The following QSOX1 variants were observed in gnomAD, a reference collection of about 807,000 sequenced individuals.
QSOX1 encodes the protein sulfhydryl oxidase 1.
A neutral mutation model predicts 76.1 loss-of-function variants in QSOX1; 40 were observed. The observed-to-expected ratio is 0.53, with a 90% CI of 0.41 to 0.68. QSOX1 has a LOEUF of 0.68. Among genes scored for constraint, QSOX1 ranks in the 30% least tolerant of loss-of-function variants. The pLI is 0.00. For synonymous variants in QSOX1, 392 were observed against 413.1 expected, an observed-to-expected ratio of 0.95 and a Z score of 0.62; for missense variants, 931 against 974.3, an observed-to-expected ratio of 0.96 and a Z score of 0.59.
intron 7 of QSOX1, 91 bp from the exon 8 acceptor site, chr1:180,185,962 C>A: frequency 6.7e-7 from 1 of 1,482,972 alleles, no homozygotes; most frequent in Non-Finnish European, 9.4e-7. Flanking sequence ...AGTGCCCCTT[C>A]TCTTCTCTCC....
chr1:180,165,674 G>A (rs899344340), intron 1 of QSOX1, among the ~76,000 whole-genome samples: 4 of 152,216 alleles, frequency 2.6e-5, no homozygotes, highest in Non-Finnish European at 5.9e-5. Flanking sequence ...TCCTCTGTGC[G>A]CACCTTGGCT....
chr1:180,183,815 C>G (rs763150317), intron 6 of QSOX1, 101 bp from the exon 7 acceptor site: 18 of 1,313,448 alleles, frequency 1.4e-5, no homozygotes, highest in Non-Finnish European at 1.8e-5. Context: ...AATAAACCTT[C>G]CTGTCCGATG....
intron 2 of QSOX1, among the ~76,000 whole-genome samples, chr1:180,174,649 G>T (rs192331235): frequency 5.4e-4 from 82 of 152,290 alleles, no homozygotes; most frequent in African/African-American, 1.9e-3. Context: ...AACAGCAGTG[G>T]TACTTCATCA....
chr1:180,157,261 G>C (rs1177461004), intron 1 of QSOX1, among the ~76,000 whole-genome samples: 1 of 152,226 alleles, frequency 6.6e-6, no homozygotes, highest in Non-Finnish European at 1.5e-5. Flanking sequence ...GTCAGTCCTT[G>C]AGCCAGATCG....
chr1:180,184,674 ACCT>A (rs1483031505), intron 7 of QSOX1, among the ~76,000 whole-genome samples: 1 of 151,918 alleles, frequency 6.6e-6, no homozygotes, highest in Non-Finnish European at 1.5e-5. Flanking sequence ...AGAGCTGTAG[ACCT>A]CCTGCACTGG....
intron 5 of QSOX1, among the ~76,000 whole-genome samples, chr1:180,180,599 C>A (rs563318853): frequency 5.4e-4 from 83 of 152,366 alleles, no homozygotes; most frequent in African/African-American, 1.7e-3. Context: ...ACTGCAAGCT[C>A]CACCTGTCAG....
In QSOX1 at chr1:180,155,093, C is replaced by G; in HGVS notation, c.186C>G (p.Ala62=). 7 of 1,523,784 alleles carry G rather than the reference C, an allele frequency of 4.6e-6. No individual in the cohort carries two copies. The highest frequency in any genetic ancestry group is 5.3e-6 in the Non-Finnish European group (6 of 1,141,130). The allele number at this position is 1,523,784 out of a possible 1,614,324, so 94.4% of individuals were successfully genotyped here. A position where few individuals can be genotyped will look rare whatever the true frequency, so the allele number is the denominator to read the frequency against. ...GAVLGSRSAW[A]VEFFASWCGH... Reference sequence around the variant, plus strand: ...TGCTGGGCTCCCGCAGCGCCTGGGCCGTGGAGTTCTTCGCCTCCTGGTGCG... The same window carrying G: ...TGCTGGGCTCCCGCAGCGCCTGGGCGGTGGAGTTCTTCGCCTCCTGGTGCG... The change falls in exon 1 of 12, where the codon GCC becomes GCG. Residue 62 remains alanine (A), a synonymous_variant. Transcript: ENST00000367602.
intron 1 of QSOX1, among the ~76,000 whole-genome samples, chr1:180,159,607 C>T (rs57587074): frequency 6.6e-6 from 1 of 152,150 alleles, no homozygotes; most frequent in Non-Finnish European, 1.5e-5. Flanking sequence ...AGAAACAGAT[C>T]AAAAATCTGA....
rs1408753504 is a variant in QSOX1, at chr1:180,200,438, A to T, written c.*3401A>T. ...GTGGCAAGCCCCAAGCCACCCCGGCAGGTGCCACTGGCCAGAGTTGAACTG... is the reference window on the plus strand; with the variant it reads ...GTGGCAAGCCCCAAGCCACCCCGGCTGGTGCCACTGGCCAGAGTTGAACTG... On this transcript the variant is annotated 3_prime_UTR_variant, in exon 12 of 12. Coordinates refer to ENST00000367602, the MANE Select transcript of QSOX1 (RefSeq NM_002826.5). The T allele has an allele frequency of 6.6e-6, 1 of 152,114 alleles. No homozygotes were observed. Among genetic ancestry groups the T allele is most frequent in the Non-Finnish European group, 1.5e-5 (1 of 68,032 alleles). 9.4% of individuals were successfully genotyped at this position (152,114 alleles called of 1,614,324 possible).
intron 2 of QSOX1, among the ~76,000 whole-genome samples, chr1:180,172,654 G>C (rs1421481728): frequency 1.3e-5 from 2 of 152,128 alleles, no homozygotes; most frequent in Non-Finnish European, 2.9e-5. Flanking sequence ...TGAGTAGTTG[G>C]GATACAGGTG....
intron 2 of QSOX1, among the ~76,000 whole-genome samples, chr1:180,168,009 G>A (rs1303347434): frequency 6.6e-6 from 1 of 152,250 alleles, no homozygotes; most frequent in East Asian, 1.9e-4. Flanking sequence ...CCGCAGGGGT[G>A]CAGCCACTGC....
At position 180,198,241 on chromosome 1, in the gene QSOX1, T is replaced by C. The variant is rs1014869845; in HGVS notation, c.*1204T>C. The C allele has an allele frequency of 2.2e-6, 1 of 456,544 alleles. No homozygotes were observed. Among genetic ancestry groups the C allele is most frequent in the African/African-American group, 2.0e-5 (1 of 50,072 alleles). 28.3% of individuals were successfully genotyped at this position (456,544 alleles called of 1,614,324 possible). On this transcript the variant is annotated 3_prime_UTR_variant, in exon 12 of 12. Transcript: ENST00000367602. ...AGACAGGCCTCTGGATGTGCAGCCT[T>C]GCCACCCCCTGCCCCAATCCTCCCT...
At chr1:180,193,077 C>T (rs1663360297) in intron 10 of QSOX1, among the ~76,000 whole-genome samples, 1 of 151,990 alleles carries the variant, frequency 6.6e-6, no homozygotes, top group African/African-American at 2.4e-5. Context: ...TTGGATTCGG[C>T]TGAAGAGAGA....
chr1:180,189,762 G>T (rs989292533), intron 9 of QSOX1, 88 bp downstream of exon 9: 1 of 1,450,716 alleles, frequency 6.9e-7, no homozygotes, highest in South Asian at 1.3e-5. Context: ...GACCTTCTTC[G>T]CCAGTTTGCA....
Position 180,155,145 on chromosome 1 carries a change from T to G in QSOX1, c.238T>G (p.Trp80Gly). ...CCACTGCATCGCCTTCGCCCCGACG[T>G]GGAAGGCGCTGGCCGAAGACGTCAA... ...CGHCIAFAPTWKALAEDVKAW... is the reference protein window; with the variant it reads ...CGHCIAFAPTGKALAEDVKAW... Residue 80 changes from tryptophan (W) to glycine (G), a missense_variant, in exon 1 of 12, where the codon TGG becomes GGG. By Grantham distance (184) the Trp-to-Gly change is radical. Transcript: ENST00000367602. The G allele has an allele frequency of 6.6e-7, 1 of 1,520,314 alleles. No homozygotes were observed. The highest frequency in any genetic ancestry group is 8.8e-7 in the Non-Finnish European group (1 of 1,138,384). 94.2% of individuals were successfully genotyped at this position (1,520,314 alleles called of 1,614,324 possible).
chr1:180,186,464 T>A (rs1663175867), intron 8 of QSOX1, among the ~76,000 whole-genome samples: 1 of 152,220 alleles, frequency 6.6e-6, no homozygotes, highest in African/African-American at 2.4e-5. Flanking sequence ...GCTGATTCAG[T>A]GACTGTGGCT....
chr1:180,177,193 T>G (rs539570586), intron 4 of QSOX1, among the ~76,000 whole-genome samples: 118 of 151,712 alleles, frequency 7.8e-4, no homozygotes, highest in Middle Eastern at 7.0e-3. Context: ...TTTTCAGCCC[T>G]GGGGTATCTC....
At position 180,184,829 on chromosome 1, in the gene QSOX1, A is replaced by C. The variant is rs1365804890; in HGVS notation, c.887+779A>C. Reference sequence around the variant, plus strand: ...TTGCATCCTAGCATGAGGGACTTTAAGGGTGGAAAGTGCCAAATGGAGAGA... The same window carrying C: ...TTGCATCCTAGCATGAGGGACTTTACGGGTGGAAAGTGCCAAATGGAGAGA... On this transcript the variant is annotated intron_variant, in intron 7 of 11. Transcript: ENST00000367602. Among the ~76,000 whole-genome samples the C allele has an allele frequency of 3.3e-5, 5 of 152,198 alleles. No homozygotes were observed. The East Asian group carries it at 9.6e-4, about 29-fold the overall frequency.
intron 8 of QSOX1, 31 bp from the exon 9 acceptor site, chr1:180,189,521 C>A (rs756800663): frequency 1.4e-5 from 20 of 1,452,410 alleles, no homozygotes; most frequent in Middle Eastern, 2.2e-4. Flanking sequence ...TTGCTTTTCA[C>A]TCTCCAGCTT....
Sources: allele counts gnomAD v4.1 joint callset (sites outside exome capture counted in the v4.1 genomes callset), GRCh38; gene constraint gnomAD v4.1.1; transcripts MANE v1.5; gene names NCBI Gene and HGNC (gene_info 2026-07-23, HGNC 2026-07-21).